The following TENT4A variants were observed in gnomAD, a reference collection of about 807,000 sequenced individuals.
The protein encoded by TENT4A is terminal nucleotidyltransferase 4A, also known as DNA polymerase kappa.
TENT4A carries 7 observed loss-of-function variants against 72.8 expected under a neutral mutation model. That is an observed-to-expected ratio of 0.10 (90% confidence interval 0.05 to 0.18). TENT4A has a LOEUF of 0.18. TENT4A is among the 10% of genes least tolerant of loss of function. The pLI is 1.00. For synonymous variants in TENT4A, 456 were observed against 434.3 expected (o/e 1.05, Z -0.62); for missense variants, 831 against 1,017.7 (o/e 0.82, Z 2.50).
chr5:6,753,432 A>G (rs1380918185), intron 12 of TENT4A, among the ~76,000 whole-genome samples: 3 of 152,260 alleles, frequency 2.0e-5, no homozygotes, highest in Non-Finnish European at 4.4e-5. Flanking sequence ...TGCTGCTGTC[A>G]TTCCCACGTT....
intron 1 of TENT4A, among the ~76,000 whole-genome samples, chr5:6,723,819 A>G (rs1444701474): frequency 6.6e-6 from 1 of 152,224 alleles, no homozygotes; most frequent in Non-Finnish European, 1.5e-5. Context: ...AGTCCTGCGC[A>G]GTAGTACGCT....
rs28381384 is a variant in TENT4A at position 6,743,647 on chromosome 5, C to T, written c.1117-65C>T. 985 of 1,269,136 alleles carry T rather than the reference C, an allele frequency of 7.8e-4. 5 individuals carry two copies. In the African/African-American group the frequency reaches 0.013, roughly 17 times the overall value. 78.6% of individuals were successfully genotyped at this position (1,269,136 alleles called of 1,614,324 possible). A position where few individuals can be genotyped will look rare whatever the true frequency, so the allele number is the denominator to read the frequency against. ...TTTCCTTTCTGTCTTGTGTGATTTG[C>T]TATGTGAAATCTCTTTGAAAGTATG... On this transcript the variant is annotated intron_variant, in intron 5 of 12. Coordinates refer to ENST00000230859, the MANE Select transcript of TENT4A (RefSeq NM_006999.6).
intron 6 of TENT4A, among the ~76,000 whole-genome samples, 170 bp downstream of exon 6, chr5:6,744,010 C>A (rs1051942018): frequency 2.6e-5 from 4 of 152,160 alleles, no homozygotes; most frequent in Non-Finnish European, 5.9e-5. Context: ...GATTAATGCA[C>A]CTTTCTGGAT....
chr5:6,715,778 A>AATT (rs1421584763), intron 1 of TENT4A, among the ~76,000 whole-genome samples: 4 of 152,178 alleles, frequency 2.6e-5, no homozygotes, highest in African/African-American at 4.8e-5. Context: ...GATACACTGT[A>AATT]ATAGCTGCAT....
At chr5:6,748,357 G>GTT in intron 7 of TENT4A, 107 bp from the exon 8 acceptor site, 1 of 1,451,510 alleles carries the variant, frequency 6.9e-7, no homozygotes, top group Non-Finnish European at 9.5e-7. Flanking sequence ...GTCTGGAAGA[G>GTT]TTTCAGTGGT....
intron 1 of TENT4A, among the ~76,000 whole-genome samples, chr5:6,734,518 A>G (rs914864075): frequency 6.6e-6 from 1 of 152,228 alleles, no homozygotes; most frequent in African/African-American, 2.4e-5. Context: ...ACTTCGCCAG[A>G]GCCTTCTTGT....
Position 6,713,836 on chromosome 5 carries a change from G to C in TENT4A, c.-148G>C. On this transcript the variant is annotated 5_prime_UTR_variant, in exon 1 of 13. Transcript: ENST00000230859. Reference sequence around the variant, plus strand: ...CGGCTAGAGCAGGAGGCCGGGGCTCGGCCCGCCCGCCGCCGCCGCCGCCGC... The same window carrying C: ...CGGCTAGAGCAGGAGGCCGGGGCTCCGCCCGCCCGCCGCCGCCGCCGCCGC... 6.8e-6 allele frequency: 1 copy of C among 146,970 alleles called. No homozygotes were observed. Among genetic ancestry groups the C allele is most frequent in the Non-Finnish European group, 1.3e-5 (1 of 74,488 alleles). 9.1% of individuals were successfully genotyped at this position (146,970 alleles called of 1,614,324 possible). A position where few individuals can be genotyped will look rare whatever the true frequency, so the allele number is the denominator to read the frequency against.
rs181865141 is a variant in TENT4A, at chr5:6,749,644, G to A, written c.1674G>A (p.Pro558=). The change falls in exon 9 of 13, where the codon CCG becomes CCA. Residue 558 remains proline, a synonymous_variant. Transcript: ENST00000230859. ...AGAAGTGGGGCAGCAAAGCCCACCC[G>A]TCGCCAGGCATGGGTGAGAGATTAA... ...IKEKWGSKAH[P]SPGMDSRIKI... 2.8e-5 allele frequency: 45 copies of A among 1,609,474 alleles called. No homozygotes were observed. The Admixed American group carries it at 2.8e-4, about 10-fold the overall frequency.
intron 4 of TENT4A, among the ~76,000 whole-genome samples, chr5:6,741,931 A>C (rs941549263): frequency 2.6e-5 from 4 of 152,228 alleles, no homozygotes; most frequent in Admixed American, 2.6e-4. Context: ...TTGCTCAGGC[A>C]GATTTTGAAT....
At chr5:6,746,715 T>C (rs1187118467) in intron 7 of TENT4A, among the ~76,000 whole-genome samples, 1 of 152,266 alleles carries the variant, frequency 6.6e-6, no homozygotes, top group Non-Finnish European at 1.5e-5. Context: ...AACCATTTGT[T>C]TCTCTGAAGT....
At position 6,756,912 on chromosome 5, in the gene TENT4A, C is replaced by T. The variant is rs756232869; in HGVS notation, c.*1967C>T. ...ATTGGCCTGGCTACCACTGTGGTCGCGTGCTACAGGTTTGACAAAAAGATA... is the reference window on the plus strand; with the variant it reads ...ATTGGCCTGGCTACCACTGTGGTCGTGTGCTACAGGTTTGACAAAAAGATA... On this transcript the variant is annotated 3_prime_UTR_variant, in exon 13 of 13. Transcript: ENST00000230859. The T allele has an allele frequency of 5.2e-5, 8 of 152,696 alleles. No individual in the cohort carries two copies. The highest frequency in any genetic ancestry group is 8.8e-5 in the Non-Finnish European group (6 of 68,024). 9.5% of individuals were successfully genotyped at this position (152,696 alleles called of 1,614,324 possible). A position where few individuals can be genotyped will look rare whatever the true frequency, so the allele number is the denominator to read the frequency against.
intron 9 of TENT4A, among the ~76,000 whole-genome samples, chr5:6,750,081 C>T (rs1742313954): frequency 6.6e-6 from 1 of 152,206 alleles, no homozygotes; most frequent in African/African-American, 2.4e-5. Context: ...AATACTTGAT[C>T]TATATTTAGA....
intron 2 of TENT4A, among the ~76,000 whole-genome samples, 171 bp from the exon 3 acceptor site, chr5:6,738,512 A>G (rs1166002863): frequency 6.6e-6 from 1 of 152,152 alleles, no homozygotes; most frequent in South Asian, 2.1e-4. Flanking sequence ...CATGTCTTTA[A>G]CTTAAAGGGA....
chr5:6,751,109 T>C lies in TENT4A; in HGVS notation c.1931T>C (p.Met644Thr). 6.2e-7 allele frequency: 1 copy of C among 1,614,146 alleles called. No homozygotes were observed. The highest frequency in any genetic ancestry group is 8.5e-7 in the Non-Finnish European group (1 of 1,180,016). The change falls in exon 11 of 13, where the codon ATG becomes ACG. Residue 644 changes from methionine (M) to threonine (T), a missense_variant. Coordinates refer to ENST00000230859, the MANE Select transcript of TENT4A (RefSeq NM_006999.6). ...QFSLQAPAPL[M>T]AGLPTALPMP... The stretch of plus-strand genomic sequence containing the variant: ...AGTCTGCAAGCGCCAGCTCCTCTCA[T>C]GGCCGGCTTACCCACCGCCTTGCCA...
At chr5:6,724,778 A>G (rs1160288652) in intron 1 of TENT4A, among the ~76,000 whole-genome samples, 2 of 152,230 alleles carry the variant, frequency 1.3e-5, no homozygotes, top group Non-Finnish European at 2.9e-5. Context: ...CTCTGCTGCC[A>G]TCAGGTGAGT....
At chr5:6,722,507 TTAA>T (rs1429728572) in intron 1 of TENT4A, among the ~76,000 whole-genome samples, 11 of 151,974 alleles carry the variant, frequency 7.2e-5, no homozygotes, top group Non-Finnish European at 1.3e-4. Flanking sequence ...TAACAATGCC[TTAA>T]TGATGAATAA....
In TENT4A at chr5:6,746,264, T is replaced by G. The variant is rs1202959162; in HGVS notation, c.1296T>G (p.Leu432=). The change falls in exon 7 of 13, where the codon CTT becomes CTG. Residue 432 remains leucine (L), a synonymous_variant. Coordinates refer to ENST00000230859, the MANE Select transcript of TENT4A (RefSeq NM_006999.6). ...ARRADENLGM[L]LVEFFELYGR... ...GAGCTGATGAAAACCTTGGAATGCT[T>G]CTTGTAGAATTTTTTGAACTCTATG... The G allele has an allele frequency of 3.1e-6, 5 of 1,614,094 alleles. No individual in the cohort carries two copies. The highest frequency in any genetic ancestry group is 4.2e-6 in the Non-Finnish European group (5 of 1,180,050).
intron 10 of TENT4A, 135 bp downstream of exon 10, chr5:6,750,638 G>C: frequency 1.2e-6 from 1 of 808,558 alleles, no homozygotes; most frequent in Non-Finnish European, 1.9e-6. Flanking sequence ...GAGGTGGGTG[G>C]GGGGCAGCCC....
chr5:6,748,184 C>T (rs928372171), intron 7 of TENT4A, among the ~76,000 whole-genome samples: 4 of 152,200 alleles, frequency 2.6e-5, no homozygotes, highest in African/African-American at 7.2e-5. Context: ...GAATGGCAGC[C>T]GCCTCCGTGA....
Sources: allele counts gnomAD v4.1 joint callset (sites outside exome capture counted in the v4.1 genomes callset), GRCh38; gene constraint gnomAD v4.1.1; transcripts MANE v1.5; gene names NCBI Gene and HGNC (gene_info 2026-07-23, HGNC 2026-07-21).